The following PTPRN2 variants were observed in gnomAD, a reference collection of about 807,000 sequenced individuals.
PTPRN2 encodes protein tyrosine phosphatase receptor type N2.
Under a neutral mutation model 118.8 loss-of-function variants are expected in PTPRN2, and 74 were observed. That is an observed-to-expected ratio of 0.62 (90% confidence interval 0.52 to 0.76). PTPRN2 has a LOEUF of 0.76. PTPRN2 is among the 30% of genes least tolerant of loss of function. The probability of loss-of-function intolerance (pLI) is 0.00; values close to 1 mark genes in which losing one functional copy is unlikely to be tolerated. For synonymous variants in PTPRN2, 641 were observed against 608.0 expected (o/e 1.05, Z -0.80); for missense variants, 1,481 against 1,394.4 (o/e 1.06, Z -0.99).
At chr7:157,762,234 C>T (rs1802175983) in intron 12 of PTPRN2, among the ~76,000 whole-genome samples, 1 of 151,980 alleles carries the variant, frequency 6.6e-6, no homozygotes, top group Non-Finnish European at 1.5e-5. Flanking sequence ...CCCAGCCATC[C>T]CATTACTGGG....
chr7:157,580,791 C>G (rs1800326250), intron 17 of PTPRN2, among the ~76,000 whole-genome samples: 1 of 125,292 alleles, frequency 8.0e-6, no homozygotes, highest in Non-Finnish European at 1.7e-5. Flanking sequence ...CGAGCCCCTG[C>G]ACACCCCAGC....
chr7:158,446,559 C>T (rs2129436669), intron 2 of PTPRN2, among the ~76,000 whole-genome samples: 1 of 152,244 alleles, frequency 6.6e-6, no homozygotes, highest in African/African-American at 2.4e-5. Context: ...TGGGCCACAG[C>T]CGCCCCCGGC....
At chr7:158,060,375 G>A (rs139141475) in intron 11 of PTPRN2, among the ~76,000 whole-genome samples, 36 of 152,310 alleles carry the variant, frequency 2.4e-4, no homozygotes, top group South Asian at 4.1e-4. Context: ...CCCAGCGGCC[G>A]CCATCACAGG....
At chr7:157,602,835 T>C (rs1212347161) in intron 16 of PTPRN2, among the ~76,000 whole-genome samples, 4 of 152,272 alleles carry the variant, frequency 2.6e-5, no homozygotes, top group African/African-American at 7.2e-5. Flanking sequence ...AAGCTCCCTA[T>C]GGACGAGCAA....
Position 158,538,731 on chromosome 7 carries a change from C to T in PTPRN2, c.112+48827G>A, listed in dbSNP as rs893957536. ...GCCACTACCTCATCCCAAAAGCAGG[C>T]GGCACCACGGGGCGGGAAGAGGAAC... On this transcript the variant is annotated intron_variant, in intron 1 of 22. Transcript: ENST00000389418. 7.9e-5 allele frequency among the ~76,000 whole-genome samples: 12 copies of T among 152,288 alleles called. No individual in the cohort carries two copies. In the South Asian group the frequency reaches 1.5e-3, roughly 18 times the overall value.
intron 3 of PTPRN2, among the ~76,000 whole-genome samples, chr7:158,312,488 AC>A (rs1315095351): frequency 8.6e-5 from 13 of 150,980 alleles, no homozygotes; most frequent in Non-Finnish European, 1.6e-4. Context: ...ATGTACACAC[AC>A]GTGCTCACGT....
chr7:157,623,502 G>T (rs1173662164), intron 14 of PTPRN2, among the ~76,000 whole-genome samples: 1 of 152,204 alleles, frequency 6.6e-6, no homozygotes, highest in African/African-American at 2.4e-5. Context: ...ACCCTAGCAG[G>T]TTTAATCCAA....
chr7:157,990,499 A>C lies in PTPRN2; in HGVS notation c.1723+90799T>G, dbSNP rs4716867. 0.36 allele frequency among the ~76,000 whole-genome samples: 54,171 copies of C among 149,334 alleles called. 9,941 individuals are homozygous for C. The highest frequency in any genetic ancestry group is 0.6 in the East Asian group (2,991 of 4,984). ...CAAGGCTTGGGCCACACTCCATGCC[A>C]CCATGCCCAACGGTCCCCGCCCTGC... On this transcript the variant is annotated intron_variant, in intron 11 of 22. Transcript: ENST00000389418. This position sits in a 1 kb window ranked among gnomAD's most constrained non-coding sequence, Gnocchi z 4.3.
At chr7:157,613,600 C>A (rs1379727803) in intron 15 of PTPRN2, among the ~76,000 whole-genome samples, 1 of 152,214 alleles carries the variant, frequency 6.6e-6, no homozygotes, top group Non-Finnish European at 1.5e-5. Flanking sequence ...GGCCTCTTCC[C>A]GCGGGAGGAG....
rs527968465 is a variant in PTPRN2, at chr7:157,686,839, C to T, written c.1789-3902G>A. ...GTGCGTCCCGGGTGGGGGAGATGCACAGATAGGCACACTTCAGTGCTGAGT... is the reference window on the plus strand; with the variant it reads ...GTGCGTCCCGGGTGGGGGAGATGCATAGATAGGCACACTTCAGTGCTGAGT... On this transcript the variant is annotated intron_variant, in intron 12 of 22. Transcript: ENST00000389418. Among the ~76,000 whole-genome samples the T allele has an allele frequency of 1.5e-4, 23 of 152,082 alleles. No individual in the cohort carries two copies. The South Asian group carries it at 2.5e-3, about 16-fold the overall frequency.
chr7:158,340,743 A>T (rs62481716), intron 2 of PTPRN2, among the ~76,000 whole-genome samples: 1 of 24,084 alleles, frequency 4.2e-5, no homozygotes, highest in African/African-American at 1.6e-4. Context: ...GAGGTGACAC[A>T]TGCAGACGTC....
intron 1 of PTPRN2, among the ~76,000 whole-genome samples, chr7:158,508,921 A>C (rs1220312602): frequency 6.7e-6 from 1 of 149,508 alleles, no homozygotes; most frequent in African/African-American, 2.5e-5. Context: ...CAGGTGCGGA[A>C]GTGGCTCTGC....
intron 21 of PTPRN2, among the ~76,000 whole-genome samples, chr7:157,565,322 C>T (rs1799429971): frequency 6.6e-6 from 1 of 152,222 alleles, no homozygotes; most frequent in Non-Finnish European, 1.5e-5. Context: ...AGCATGGGCT[C>T]ACAAGCCGTG....
intron 12 of PTPRN2, among the ~76,000 whole-genome samples, chr7:157,698,350 G>T (rs920646241): frequency 6.6e-6 from 1 of 152,152 alleles, no homozygotes; most frequent in African/African-American, 2.4e-5. Context: ...TCTCATGCTG[G>T]CTCATATGCC....
chr7:157,642,516 C>T (rs935817229), intron 14 of PTPRN2, among the ~76,000 whole-genome samples: 16 of 152,218 alleles, frequency 1.1e-4, no homozygotes, highest in Admixed American at 8.5e-4. Flanking sequence ...CTCGCCTCCT[C>T]GCCTCGGGTT....
intron 2 of PTPRN2, among the ~76,000 whole-genome samples, chr7:158,387,658 C>G (rs1337970298): frequency 1.0e-4 from 2 of 19,908 alleles, no homozygotes; most frequent in Non-Finnish European, 2.1e-4. Context: ...TGGCCACCAC[C>G]ATCTGCTGAA....
At chr7:158,149,458 C>T (rs1820691656) in intron 6 of PTPRN2, among the ~76,000 whole-genome samples, 1 of 148,046 alleles carries the variant, frequency 6.8e-6, no homozygotes. Context: ...AAAAAAAAAT[C>T]CTTATTTTTA....
chr7:158,145,446 A>G (rs1819847965), intron 6 of PTPRN2, among the ~76,000 whole-genome samples: 1 of 152,214 alleles, frequency 6.6e-6, no homozygotes, highest in South Asian at 2.1e-4. Context: ...TGAACAGCCT[A>G]CTTGTATCGA....
chr7:157,658,751 C>T (rs2150748909), intron 13 of PTPRN2, among the ~76,000 whole-genome samples: 1 of 152,328 alleles, frequency 6.6e-6, no homozygotes, highest in Middle Eastern at 3.4e-3. Context: ...CCTGAGTCTG[C>T]AAAGTGAAAT....
Sources: allele counts gnomAD v4.1 joint callset (sites outside exome capture counted in the v4.1 genomes callset), GRCh38; gene constraint gnomAD v4.1.1; non-coding constraint Gnocchi (gnomAD v3.1); transcripts MANE v1.5; gene names NCBI Gene and HGNC (gene_info 2026-07-23, HGNC 2026-07-21).